The following GLB1 variants were observed in gnomAD, a reference collection of about 807,000 sequenced individuals.
GLB1 encodes the protein beta-galactosidase.
GLB1 carries 56 observed loss-of-function variants against 74.0 expected under a neutral mutation model. That is an observed-to-expected ratio of 0.76 (90% CI 0.61 to 0.94). GLB1 has a LOEUF of 0.94. Among genes scored for constraint, GLB1 ranks in the 40% least tolerant of loss-of-function variants. GLB1 has a pLI of 0.00. For missense variants in GLB1, 787 were observed against 845.5 expected (o/e 0.93, Z 0.86); for synonymous variants, 323 against 323.6 (o/e 1.00, Z 0.02).
intron 10 of GLB1, among the ~76,000 whole-genome samples, chr3:33,031,640 A>AAATATATAT (rs1559391238): frequency 5.6e-5 from 2 of 35,776 alleles, no homozygotes; most frequent in East Asian, 7.1e-4. Context: ...AAAAAAAAAA[A>AAATATATAT]ATATATATAT....
intron 10 of GLB1, among the ~76,000 whole-genome samples, chr3:33,036,652 A>T (rs540620967): frequency 3.3e-5 from 5 of 152,352 alleles, no homozygotes; most frequent in Admixed American, 2.0e-4. Flanking sequence ...CAAAATGAAT[A>T]GGTAATTAAA....
intron 6 of GLB1, among the ~76,000 whole-genome samples, chr3:33,054,747 G>A (rs1329350327): frequency 3.3e-5 from 5 of 152,172 alleles, no homozygotes; most frequent in African/African-American, 4.8e-5. Context: ...CATTAGGGGT[G>A]TCTTGTCTTG....
intron 10 of GLB1, among the ~76,000 whole-genome samples, chr3:33,031,961 C>T (rs1421511897): frequency 2.0e-5 from 3 of 151,940 alleles, no homozygotes; most frequent in Non-Finnish European, 2.9e-5. Context: ...TCATGCCCAC[C>T]TAATTTTTTA....
intron 1 of GLB1, chr3:33,094,243 T>G (rs771322276): frequency 4.6e-6 from 7 of 1,529,266 alleles, no homozygotes; most frequent in East Asian, 2.3e-5. Flanking sequence ...GCTGGTGGAC[T>G]CTGGAAATGA....
chr3:33,088,341 A>G (rs1484904352), intron 1 of GLB1, among the ~76,000 whole-genome samples: 1 of 150,336 alleles, frequency 6.7e-6, no homozygotes, highest in Non-Finnish European at 1.5e-5. Flanking sequence ...AGATGATATA[A>G]TCTTAGATGT....
At chr3:33,018,721 T>G (rs1697347031) in intron 12 of GLB1, among the ~76,000 whole-genome samples, 160 bp from the exon 13 acceptor site, 3 of 152,146 alleles carry the variant, frequency 2.0e-5, no homozygotes, top group Admixed American at 2.0e-4. Context: ...GGAAACTGGT[T>G]TAATTTTTAG....
At chr3:32,969,735 A>G in the GLB1 span, among the ~76,000 whole-genome samples, 1 of 152,152 alleles carries the variant, frequency 6.6e-6, no homozygotes, top group African/African-American at 2.4e-5. Context: ...CAGATCTGTA[A>G]AAGAGTTCCA....
chr3:32,997,095 T>A lies in GLB1; in HGVS notation c.1984A>T (p.Met662Leu). 1 of 1,613,972 alleles carries A rather than the reference T, an allele frequency of 6.2e-7. No individual in the cohort carries two copies. The highest frequency in any genetic ancestry group is 8.5e-7 in the Non-Finnish European group (1 of 1,179,980). ...HPSKPVEKRLMPPPPQKNKDS... is the reference protein window; with the variant it reads ...HPSKPVEKRLLPPPPQKNKDS... ...TTGTTTTTTTGCGGGGGTGGGGGCA[T>A]GAGTCTTTTTTCAACAGGTTTGGAG... Residue 662 changes from methionine (M) to leucine (L), a missense_variant, in exon 16 of 16, where the codon ATG becomes TTG. By Grantham distance (15) the Met-to-Leu change is conservative (BLOSUM62 2). Coordinates refer to ENST00000307363, the MANE Select transcript of GLB1 (RefSeq NM_000404.4).
At chr3:33,063,583 T>C (rs1471233310) in intron 5 of GLB1, among the ~76,000 whole-genome samples, 1 of 152,062 alleles carries the variant, frequency 6.6e-6, no homozygotes, top group Non-Finnish European at 1.5e-5. Flanking sequence ...ATACTTTTTG[T>C]GGCATTTCCA....
At chr3:33,067,656 C>T (rs1699739856) in intron 4 of GLB1, among the ~76,000 whole-genome samples, 1 of 152,186 alleles carries the variant, frequency 6.6e-6, no homozygotes, top group Non-Finnish European at 1.5e-5. Context: ...GCACTGAAGT[C>T]AGTTGGTCAA....
rs1696325350 is a variant in GLB1 at position 32,996,932 on chromosome 3, C to T, written c.*113G>A. ...CAGGGAAACCTCAGGTGAAAATGCACATCCTAAATTCCTTTTCCATTTCCA... is the reference window on the plus strand; with the variant it reads ...CAGGGAAACCTCAGGTGAAAATGCATATCCTAAATTCCTTTTCCATTTCCA... On this transcript the variant is annotated 3_prime_UTR_variant, in exon 16 of 16. Coordinates refer to ENST00000307363, the MANE Select transcript of GLB1 (RefSeq NM_000404.4). 6.3e-7 allele frequency: 1 copy of T among 1,592,382 alleles called. No homozygotes were observed. Among genetic ancestry groups the T allele is most frequent in the Non-Finnish European group, 8.6e-7 (1 of 1,166,718 alleles).
intron 10 of GLB1, among the ~76,000 whole-genome samples, chr3:33,037,463 G>A (rs1008541669): frequency 3.3e-5 from 5 of 152,146 alleles, no homozygotes; most frequent in African/African-American, 1.2e-4. Context: ...AGTGGATTGT[G>A]AAATGAAGCA....
At chr3:33,024,759 T>C (rs2125479757) in intron 10 of GLB1, among the ~76,000 whole-genome samples, 1 of 152,310 alleles carries the variant, frequency 6.6e-6, no homozygotes, top group Non-Finnish European at 1.5e-5. Flanking sequence ...AGAATACTTC[T>C]CCATATTGTT....
chr3:33,038,983 T>C (rs553826953), intron 10 of GLB1, among the ~76,000 whole-genome samples: 1 of 151,836 alleles, frequency 6.6e-6, no homozygotes, highest in Non-Finnish European at 1.5e-5. Flanking sequence ...CACTATCTGA[T>C]CAAAAACGAA....
chr3:33,077,270 G>T, intron 1 of GLB1: 1 of 1,571,362 alleles, frequency 6.4e-7, no homozygotes, highest in Non-Finnish European at 8.6e-7. Flanking sequence ...TTTGAAGGTG[G>T]CAGGGCAGGA....
chr3:33,055,010 C>G (rs1389618952), intron 6 of GLB1, among the ~76,000 whole-genome samples: 1 of 152,252 alleles, frequency 6.6e-6, no homozygotes, highest in Non-Finnish European at 1.5e-5. Context: ...CTCTGTAAGG[C>G]CAGCTTTCAG....
the GLB1 span, among the ~76,000 whole-genome samples, chr3:32,990,855 TC>T: frequency 6.6e-6 from 1 of 152,008 alleles, no homozygotes; most frequent in Non-Finnish European, 1.5e-5. Flanking sequence ...GTGCCTGTAG[TC>T]CCAGCTACTC....
At chr3:33,073,540 T>C (rs1203564517) in intron 1 of GLB1, among the ~76,000 whole-genome samples, 3 of 151,466 alleles carry the variant, frequency 2.0e-5, no homozygotes, top group African/African-American at 4.9e-5. Flanking sequence ...ATACAAAAAT[T>C]AGCCGGGCAT....
intron 5 of GLB1, chr3:33,061,722 T>C (rs1699452361): frequency 6.6e-6 from 1 of 152,242 alleles, no homozygotes; most frequent in Non-Finnish European, 1.5e-5. Context: ...GCCCTGTTAA[T>C]TGGATGAAGT....
Sources: allele counts gnomAD v4.1 joint callset (sites outside exome capture counted in the v4.1 genomes callset), GRCh38; gene constraint gnomAD v4.1.1; transcripts MANE v1.5; gene names NCBI Gene and HGNC (gene_info 2026-07-23, HGNC 2026-07-21).